Variants in NRG3 observed in about 807,000 individuals in gnomAD.
The protein encoded by NRG3 is neuregulin 3, also known as pro-neuregulin-3, membrane-bound isoform.
Under a neutral mutation model 66.9 loss-of-function variants are expected in NRG3, and 31 were observed. That is an observed-to-expected ratio of 0.46 (90% CI 0.35 to 0.63). The LOEUF (loss-of-function observed/expected upper bound fraction) is 0.63. NRG3 is among the 20% of genes least tolerant of loss of function. The pLI is 0.00. For missense variants in NRG3, 910 were observed against 878.9 expected (o/e 1.04, Z -0.45); for synonymous variants, 393 against 359.4 (o/e 1.09, Z -1.06).
chr10:82,789,541 C>T (rs1267660718), intron 3 of NRG3, among the ~76,000 whole-genome samples: 1 of 151,968 alleles, frequency 6.6e-6, no homozygotes. Context: ...ATTTTTCTAT[C>T]CTTTTACCTT....
chr10:82,049,487 G>A (rs909742489), intron 1 of NRG3, among the ~76,000 whole-genome samples: 5 of 151,936 alleles, frequency 3.3e-5, no homozygotes, highest in African/African-American at 9.7e-5. Flanking sequence ...AATTATAAGG[G>A]GGCTGCCAAG....
chr10:82,922,456 C>T (rs760855673), intron 4 of NRG3, among the ~76,000 whole-genome samples: 23 of 152,114 alleles, frequency 1.5e-4, no homozygotes, highest in Non-Finnish European at 2.8e-4. Context: ...GGAGCAGGTT[C>T]TTGCATCAGA....
At chr10:82,694,778 T>C (rs760252995) in intron 2 of NRG3, among the ~76,000 whole-genome samples, 4 of 152,070 alleles carry the variant, frequency 2.6e-5, no homozygotes, top group Admixed American at 1.3e-4. Context: ...AAAGAAATGC[T>C]CATGTTCTTG....
intron 2 of NRG3, among the ~76,000 whole-genome samples, chr10:82,656,273 G>A (rs1306670888): frequency 6.7e-6 from 1 of 149,518 alleles, no homozygotes; most frequent in Non-Finnish European, 1.5e-5. Flanking sequence ...AAGAACTTTG[G>A]TGATCTCTTA....
intron 4 of NRG3, among the ~76,000 whole-genome samples, chr10:82,934,276 T>G (rs1201905867): frequency 6.6e-6 from 1 of 152,208 alleles, no homozygotes; most frequent in Non-Finnish European, 1.5e-5. Context: ...GGACATAAAG[T>G]AAACTTAAAT....
intron 1 of NRG3, among the ~76,000 whole-genome samples, chr10:82,052,715 A>G (rs1249093285): frequency 3.9e-5 from 6 of 152,234 alleles, no homozygotes; most frequent in Non-Finnish European, 7.3e-5. Context: ...AGTGGAGCTC[A>G]TGATAATGAT....
chr10:82,690,162 A>G (rs1255005803), intron 2 of NRG3, among the ~76,000 whole-genome samples: 1 of 152,216 alleles, frequency 6.6e-6, no homozygotes, highest in Non-Finnish European at 1.5e-5. Context: ...GCAGACAGAA[A>G]TCTTTAGCTT....
At chr10:82,415,856 A>G (rs553268795) in intron 2 of NRG3, among the ~76,000 whole-genome samples, 1 of 152,168 alleles carries the variant, frequency 6.6e-6, no homozygotes, top group Non-Finnish European at 1.5e-5. Context: ...ATGTGATGTA[A>G]AGATGTTCAG....
chr10:82,651,207 T>G (rs2051385497), intron 2 of NRG3, among the ~76,000 whole-genome samples: 1 of 152,140 alleles, frequency 6.6e-6, no homozygotes, highest in Non-Finnish European at 1.5e-5. Flanking sequence ...GGTGAGGTAG[T>G]GGGAGTCGAG....
At chr10:82,534,844 TC>T (rs2132683801) in intron 2 of NRG3, among the ~76,000 whole-genome samples, 1 of 151,988 alleles carries the variant, frequency 6.6e-6, no homozygotes, top group South Asian at 2.1e-4. Context: ...TCAAATGTCT[TC>T]CATCATTAAT....
chr10:82,439,781 T>TA (rs1348974534), intron 2 of NRG3, among the ~76,000 whole-genome samples: 1 of 152,054 alleles, frequency 6.6e-6, no homozygotes, highest in Non-Finnish European at 1.5e-5. Context: ...ATTCTTGTAA[T>TA]ACACTACTGG....
chr10:82,039,245 A>G (rs1357449674), intron 1 of NRG3, among the ~76,000 whole-genome samples: 1 of 152,146 alleles, frequency 6.6e-6, no homozygotes, highest in Non-Finnish European at 1.5e-5. Flanking sequence ...AAAGAATGTC[A>G]TGAAATGATC....
In NRG3 at chr10:82,802,170, G is replaced by T. The variant is rs1456109487; in HGVS notation, c.1028-63241G>T. Among the ~76,000 whole-genome samples, 4 of 152,136 alleles carry T rather than the reference G, an allele frequency of 2.6e-5. No individual in the cohort carries two copies. The East Asian group carries it at 7.7e-4, about 29-fold the overall frequency. Reference sequence around the variant, plus strand: ...TAATACTTTTGTGAGATCAGATATAGTTAAAGAATGTTTGATTGGGTGCTA... The same window carrying T: ...TAATACTTTTGTGAGATCAGATATATTTAAAGAATGTTTGATTGGGTGCTA... On this transcript the variant is annotated intron_variant, in intron 3 of 8. Coordinates refer to ENST00000372141, the MANE Select transcript of NRG3 (RefSeq NM_001010848.4).
At chr10:82,058,927 G>A (rs1428725598) in intron 1 of NRG3, among the ~76,000 whole-genome samples, 1 of 152,156 alleles carries the variant, frequency 6.6e-6, no homozygotes, top group Admixed American at 6.5e-5. Flanking sequence ...TTCCTGGCAG[G>A]GGTGATTTGA....
chr10:82,531,963 C>A (rs1026599535), intron 2 of NRG3, among the ~76,000 whole-genome samples: 3 of 151,728 alleles, frequency 2.0e-5, no homozygotes, highest in Admixed American at 6.6e-5. Context: ...CCCCTGGAAA[C>A]CACTATTTCA....
intron 1 of NRG3, among the ~76,000 whole-genome samples, chr10:82,199,232 A>G (rs2074636580): frequency 6.6e-6 from 1 of 151,968 alleles, no homozygotes; most frequent in African/African-American, 2.4e-5. Flanking sequence ...AAGAGTATAT[A>G]CTAATTATTT....
chr10:82,778,060 C>T (rs1220438438), intron 3 of NRG3, among the ~76,000 whole-genome samples: 14 of 152,174 alleles, frequency 9.2e-5, no homozygotes, highest in Non-Finnish European at 1.5e-5. Context: ...CCTGTTAACT[C>T]CTGTTCCAGG....
At chr10:81,930,184 T>C (rs1416223859) in intron 1 of NRG3, among the ~76,000 whole-genome samples, 1 of 152,138 alleles carries the variant, frequency 6.6e-6, no homozygotes, top group Non-Finnish European at 1.5e-5. Context: ...CCGTTTCAAC[T>C]CAAACTGGTA....
chr10:82,246,471 A>C (rs182399307), intron 1 of NRG3, among the ~76,000 whole-genome samples: 1 of 152,326 alleles, frequency 6.6e-6, no homozygotes, highest in Admixed American at 6.5e-5. Context: ...CGAAGGATGA[A>C]AAAATCTAAA....
Sources: gnomAD v4.1 joint callset for allele counts (sites outside exome capture counted in the v4.1 genomes callset) on GRCh38, gnomAD v4.1.1 for gene constraint, MANE v1.5 for transcripts, NCBI Gene and HGNC (gene_info 2026-07-23, HGNC 2026-07-21) for gene names.